Variants in CALD1 observed in about 807,000 individuals in gnomAD.
CALD1 encodes the protein caldesmon 1, also known as caldesmon.
In CALD1, 33 loss-of-function variants were observed where a neutral mutation model predicts 99.9. That is an observed-to-expected ratio of 0.33 (90% CI 0.25 to 0.44). The LOEUF (loss-of-function observed/expected upper bound fraction) is 0.44. Among genes scored for constraint, CALD1 ranks in the 20% least tolerant of loss-of-function variants. CALD1 has a pLI of 1.00. For missense variants in CALD1, 861 were observed against 962.1 expected (o/e 0.89, Z 1.39); for synonymous variants, 310 against 325.0 (o/e 0.95, Z 0.50).
At chr7:134,893,204 T>C (rs1288883122) in intron 3 of CALD1, among the ~76,000 whole-genome samples, 2 of 152,130 alleles carry the variant, frequency 1.3e-5, no homozygotes, top group African/African-American at 4.8e-5. Context: ...CAACAGCTAT[T>C]ACCTCTCACC....
chr7:134,826,821 C>T (rs1166480530), intron 1 of CALD1, among the ~76,000 whole-genome samples: 1 of 152,102 alleles, frequency 6.6e-6, no homozygotes, highest in Non-Finnish European at 1.5e-5. Flanking sequence ...ATTTTTGTCA[C>T]CTCCTGCTCC....
intron 3 of CALD1, chr7:134,891,342 ATTAGAGAGAT>A: frequency 8.4e-7 from 1 of 1,191,928 alleles, no homozygotes; most frequent in Non-Finnish European, 1.0e-6. Flanking sequence ...ATGGGCTTCT[ATTAGAGAGAT>A]TACAGTAAAA....
intron 4 of CALD1, 78 bp downstream of exon 4, chr7:134,928,978 A>G: frequency 7.7e-7 from 1 of 1,300,884 alleles, no homozygotes; most frequent in Non-Finnish European, 1.1e-6. Flanking sequence ...TGAGCAGAGC[A>G]TTCCTTTCTC....
At chr7:134,928,515 T>G (rs1441747856) in intron 3 of CALD1, among the ~76,000 whole-genome samples, 1 of 151,984 alleles carries the variant, frequency 6.6e-6, no homozygotes, top group Admixed American at 6.6e-5. Flanking sequence ...GTTTAAGTTG[T>G]TATTTGGTCA....
chr7:134,863,534 G>A (rs561883280), intron 2 of CALD1, among the ~76,000 whole-genome samples: 21 of 152,280 alleles, frequency 1.4e-4, no homozygotes, highest in Non-Finnish European at 2.5e-4. Flanking sequence ...TCATGCACAG[G>A]TGACACAGGT....
intron 3 of CALD1, among the ~76,000 whole-genome samples, chr7:134,924,282 C>A (rs1173625082): frequency 4.6e-5 from 7 of 151,884 alleles, no homozygotes; most frequent in African/African-American, 1.7e-4. Flanking sequence ...TTACTTTCTC[C>A]TTTATATATT....
At chr7:134,794,712 C>T (rs1797680352) in intron 1 of CALD1, among the ~76,000 whole-genome samples, 1 of 152,158 alleles carries the variant, frequency 6.6e-6, no homozygotes, top group South Asian at 2.1e-4. Context: ...GTCTTGAACT[C>T]CTGACCTCAA....
At chr7:134,889,055 C>T (rs1439845782) in intron 3 of CALD1, among the ~76,000 whole-genome samples, 1 of 152,046 alleles carries the variant, frequency 6.6e-6, no homozygotes, top group Non-Finnish European at 1.5e-5. Context: ...TCAGAATTGG[C>T]GTGGGGGGCT....
At chr7:134,805,781 A>G (rs1254677318) in intron 1 of CALD1, among the ~76,000 whole-genome samples, 1 of 151,912 alleles carries the variant, frequency 6.6e-6, no homozygotes, top group Non-Finnish European at 1.5e-5. Context: ...TTATCCAAAG[A>G]TTTTCTTTTT....
chr7:134,947,599 C>T lies in CALD1; in HGVS notation c.1624C>T (p.Arg542Cys). Residue 542 changes from arginine to cysteine, a missense_variant, in exon 8 of 15, where the codon CGT (arginine) becomes TGT (cysteine). Arg to Cys is a radical substitution (Grantham distance 180). Around this residue, in one of 5 missense-constraint regions of CALD1, gnomAD observed 293 missense variants for 262.7 expected, o/e 1.12. Coordinates refer to ENST00000361675, the MANE Select transcript of CALD1 (RefSeq NM_033138.4). ...CAAAAGGCTGGAGGAGCTTCGTCGTCGTCGCGGGGAGACCGAGAGCGAAGA... is the reference window on the plus strand; with the variant it reads ...CAAAAGGCTGGAGGAGCTTCGTCGTTGTCGCGGGGAGACCGAGAGCGAAGA... ...AGKRLEELRR[R>C]RGETESEEFE... The T allele has an allele frequency of 1.9e-6, 3 of 1,561,402 alleles. No individual in the cohort carries two copies. Among genetic ancestry groups the T allele is most frequent in the South Asian group, 1.2e-5 (1 of 84,992 alleles).
intron 2 of CALD1, among the ~76,000 whole-genome samples, chr7:134,855,903 C>T (rs1368020041): frequency 6.6e-6 from 1 of 152,152 alleles, no homozygotes; most frequent in Non-Finnish European, 1.5e-5. Context: ...AGGTAACTGT[C>T]GAGTTGAAGT....
At chr7:134,964,180 G>C (rs1303451034) in intron 13 of CALD1, among the ~76,000 whole-genome samples, 2 of 152,220 alleles carry the variant, frequency 1.3e-5, no homozygotes, top group African/African-American at 4.8e-5. Flanking sequence ...CTGGGCGACA[G>C]AGCAAGACTG....
intron 6 of CALD1, 106 bp downstream of exon 6, chr7:134,935,871 G>A (rs766859939): frequency 1.7e-5 from 19 of 1,110,980 alleles, no homozygotes; most frequent in Non-Finnish European, 2.3e-5. Flanking sequence ...CATATCCAGT[G>A]TATTTCAAGC....
intron 2 of CALD1, among the ~76,000 whole-genome samples, chr7:134,857,320 C>A (rs1800356564): frequency 6.6e-6 from 1 of 151,852 alleles, no homozygotes; most frequent in South Asian, 2.1e-4. Flanking sequence ...CAGATGCCCG[C>A]CACCACGCCC....
intron 9 of CALD1, among the ~76,000 whole-genome samples, chr7:134,955,835 T>C (rs1807718685): frequency 6.6e-6 from 1 of 152,188 alleles, no homozygotes; most frequent in Non-Finnish European, 1.5e-5. Flanking sequence ...AGGTACTGAG[T>C]ATATTATTTA....
At chr7:134,936,513 G>A (rs770897501) in intron 6 of CALD1, among the ~76,000 whole-genome samples, 2 of 152,170 alleles carry the variant, frequency 1.3e-5, no homozygotes, top group African/African-American at 2.4e-5. Context: ...AGGATGTGGT[G>A]AAACTGAATT....
chr7:134,901,144 A>G (rs577921851), intron 3 of CALD1, among the ~76,000 whole-genome samples: 1 of 151,846 alleles, frequency 6.6e-6, no homozygotes, highest in South Asian at 2.1e-4. Flanking sequence ...TTCAGTGCCA[A>G]GAGGGAGGTA....
In CALD1 at chr7:134,952,361, C is replaced by A. The variant is rs185062694; in HGVS notation, c.1935+1847C>A. On this transcript the variant is annotated intron_variant, in intron 9 of 14. Transcript: ENST00000361675. ...ATGGTTAATTATGTACATATGTGTACGGTTATATCAAGTGGCACACCAAAA... is the reference window on the plus strand; with the variant it reads ...ATGGTTAATTATGTACATATGTGTAAGGTTATATCAAGTGGCACACCAAAA... 2.1e-3 allele frequency among the ~76,000 whole-genome samples: 321 copies of A among 151,986 alleles called. 1 individual carries two copies. Among genetic ancestry groups the A allele is most frequent in the Middle Eastern group, 0.01 (3 of 292 alleles).
In CALD1 at chr7:134,960,275, G is replaced by T. The variant is rs995253620; in HGVS notation, c.2199+164G>T. 1.9e-5 allele frequency: 16 copies of T among 833,916 alleles called. No individual in the cohort carries two copies. The South Asian group carries it at 2.1e-4, about 11-fold the overall frequency. 51.7% of individuals were successfully genotyped at this position (833,916 alleles called of 1,614,324 possible). ...AAGCAAGCTCAGAGAGAATGTGTTT[G>T]TGAGGTTGCATGAGGTACTAAGCCC... On this transcript the variant is annotated intron_variant, in intron 12 of 14. Transcript: ENST00000361675.
Sources: allele counts gnomAD v4.1 joint callset (sites outside exome capture counted in the v4.1 genomes callset), GRCh38; gene constraint gnomAD v4.1.1; regional missense constraint gnomAD v4.1.1; transcripts MANE v1.5; gene names NCBI Gene and HGNC (gene_info 2026-07-23, HGNC 2026-07-21).